MAPK8IP3: variants seen among roughly 807,000 people sequenced by gnomAD.
MAPK8IP3 encodes the protein C-Jun-amino-terminal kinase-interacting protein 3.
Under a neutral mutation model 157.8 loss-of-function variants are expected in MAPK8IP3, and 49 were observed. The observed-to-expected ratio is 0.31, with a 90% CI of 0.25 to 0.39. The LOEUF (loss-of-function observed/expected upper bound fraction) is 0.39. Among genes scored for constraint, MAPK8IP3 ranks in the 10% least tolerant of loss-of-function variants. MAPK8IP3 has a pLI of 1.00. For synonymous variants in MAPK8IP3, 897 were observed against 777.7 expected (o/e 1.15, Z -2.55); for missense variants, 1,478 against 1,889.4 (o/e 0.78, Z 4.04).
intron 1 of MAPK8IP3, among the ~76,000 whole-genome samples, chr16:1,715,725 G>T (rs1278717482): frequency 6.6e-6 from 1 of 150,542 alleles, no homozygotes; most frequent in Non-Finnish European, 1.5e-5. Context: ...TGAGAGGAGA[G>T]GTTTGGATTT....
intron 1 of MAPK8IP3, among the ~76,000 whole-genome samples, chr16:1,717,037 C>T (rs2038197253): frequency 6.6e-6 from 1 of 151,104 alleles, no homozygotes; most frequent in Non-Finnish European, 1.5e-5. Flanking sequence ...CCAGCCTGGG[C>T]AACAGAGCGA....
At position 1,760,212 on chromosome 16, in the gene MAPK8IP3, A is replaced by G. The variant is rs868731536; in HGVS notation, c.1305-168A>G. On this transcript the variant is annotated intron_variant, in intron 11 of 31. Coordinates refer to ENST00000610761, the MANE Select transcript of MAPK8IP3 (RefSeq NM_001318852.2). ...AAGCTTGTCTCCAGGAGCCTCTAAC[A>G]AGGGTGCTATAGGGTTTAGCTAAGA... The G allele has an allele frequency of 2.8e-5, 28 of 993,880 alleles. No homozygotes were observed. In the Middle Eastern group the frequency reaches 1.3e-3, roughly 45 times the overall value. The allele number at this position is 993,880 out of a possible 1,614,324, so 61.6% of individuals were successfully genotyped here. A position where few individuals can be genotyped will look rare whatever the true frequency, so the allele number is the denominator to read the frequency against.
intron 30 of MAPK8IP3, 39 bp from the exon 31 acceptor site, chr16:1,768,438 C>T (rs370405653): frequency 1.3e-6 from 2 of 1,592,348 alleles, no homozygotes; most frequent in Non-Finnish European, 1.7e-6. Flanking sequence ...GCCGCCTCCC[C>T]CAGGAGGCCG....
chr16:1,746,642 C>T, intron 5 of MAPK8IP3: 1 of 218,680 alleles, frequency 4.6e-6, no homozygotes, highest in Non-Finnish European at 9.2e-6. Flanking sequence ...GGTCCCCAGT[C>T]AGAGCCCTCT....
At chr16:1,748,081 G>A (rs2041078995) in intron 6 of MAPK8IP3, among the ~76,000 whole-genome samples, 163 bp from the exon 7 acceptor site, 2 of 152,174 alleles carry the variant, frequency 1.3e-5, no homozygotes, top group African/African-American at 2.4e-5. Flanking sequence ...GCTGGGGTTC[G>A]ACCTCTGCCC....
chr16:1,732,095 T>C (rs1212052424), intron 4 of MAPK8IP3, among the ~76,000 whole-genome samples: 7 of 152,160 alleles, frequency 4.6e-5, no homozygotes, highest in African/African-American at 1.7e-4. Flanking sequence ...TGCCAGGGTA[T>C]TGCAGCTCCA....
intron 1 of MAPK8IP3, among the ~76,000 whole-genome samples, chr16:1,714,392 A>G (rs998056736): frequency 6.6e-6 from 1 of 152,078 alleles, no homozygotes; most frequent in Admixed American, 6.5e-5. Context: ...ACTCTGGTGC[A>G]TTTTCTTTTG....
rs1346689911 is a variant in MAPK8IP3, at chr16:1,766,923, C to T, written c.3040C>T (p.Leu1014=). 4 of 1,598,848 alleles carry T rather than the reference C, an allele frequency of 2.5e-6. No homozygotes were observed. Among genetic ancestry groups the T allele is most frequent in the Non-Finnish European group, 3.4e-6 (4 of 1,170,690 alleles). The change falls in exon 25 of 32, where the codon CTG becomes TTG. Residue 1014 remains leucine, a synonymous_variant. Transcript: ENST00000610761. ...TTTCAGGCATGTCAAAGGCCGTGTG[C>T]TGGTGGCTCTGGCGGACGGGACCCT... ...LSLVHVKGRV[L]VALADGTLAI...
intron 4 of MAPK8IP3, among the ~76,000 whole-genome samples, chr16:1,735,520 G>A (rs376534504): frequency 1.2e-5 from 1 of 86,270 alleles, no homozygotes; most frequent in Non-Finnish European, 2.2e-5. Flanking sequence ...CGTGTGAGCA[G>A]CCGTGTGACC....
At chr16:1,737,184 CCGTCCGTGTGAG>C (rs1402113602) in intron 4 of MAPK8IP3, among the ~76,000 whole-genome samples, 1 of 53,258 alleles carries the variant, frequency 1.9e-5, no homozygotes, top group Non-Finnish European at 3.6e-5. Flanking sequence ...GAGCGTGTGA[CCGTCCGTGTGAG>C]CGTGTGACCA....
chr16:1,758,643 CCAGGCACAGCCCATCCCCA>C (rs1224111605), intron 9 of MAPK8IP3, among the ~76,000 whole-genome samples: 20 of 152,370 alleles, frequency 1.3e-4, no homozygotes, highest in Admixed American at 8.5e-4. Context: ...CCCCCAGCCT[CCAGGCACAGCCCATCCCCA>C]CAGGGGTGCC....
At chr16:1,740,071 C>T (rs533463510) in intron 4 of MAPK8IP3, among the ~76,000 whole-genome samples, 1,408 of 65,662 alleles carry the variant, frequency 0.021, 141 homozygotes, top group African/African-American at 0.087. Context: ...TCCGTGTGAG[C>T]GTGAGCATCC....
intron 26 of MAPK8IP3, 97 bp downstream of exon 26, chr16:1,767,394 G>A: frequency 6.4e-7 from 1 of 1,555,212 alleles, no homozygotes; most frequent in Non-Finnish European, 8.8e-7. Flanking sequence ...GCCCTACGTG[G>A]GTCCCATCTC....
At chr16:1,735,494 C>T (rs372509173) in intron 4 of MAPK8IP3, among the ~76,000 whole-genome samples, 8 of 112,858 alleles carry the variant, frequency 7.1e-5, no homozygotes, top group Admixed American at 5.5e-4. Context: ...TCCATGTGAG[C>T]GTCCGTGTGA....
intron 4 of MAPK8IP3, among the ~76,000 whole-genome samples, chr16:1,736,581 AGC>A (rs1162222756): frequency 2.7e-4 from 16 of 59,288 alleles, no homozygotes; most frequent in Admixed American, 3.1e-4. Flanking sequence ...CGTCCGTGTG[AGC>A]GTGTGACCAT....
Position 1,762,744 on chromosome 16 carries a change from C to T in MAPK8IP3, c.1727+13C>T. The T allele has an allele frequency of 6.3e-7, 1 of 1,583,390 alleles. No homozygotes were observed. Among genetic ancestry groups the T allele is most frequent in the South Asian group, 1.1e-5 (1 of 87,136 alleles). On this transcript the variant is annotated intron_variant, in intron 15 of 31. Transcript: ENST00000610761. The stretch of plus-strand genomic sequence containing the variant: ...CCATCTGGCAGTTGTAAGCTGGGGG[C>T]CCCTGGGGGATGTGGGCAGCAGCTG...
At position 1,768,762 on chromosome 16, in the gene MAPK8IP3, G is replaced by A. The variant is rs2042440300; in HGVS notation, c.3952G>A (p.Val1318Met). The A allele has an allele frequency of 6.2e-6, 10 of 1,612,672 alleles. No homozygotes were observed. Among genetic ancestry groups the A allele is most frequent in the South Asian group, 3.3e-5 (3 of 91,092 alleles). The change falls in exon 32 of 32, where the codon GTG becomes ATG. Residue 1318 changes from valine to methionine, a missense_variant. Physicochemically the swap from Val to Met is conservative, Grantham distance 21. Transcript: ENST00000610761. ...GAGDMSQVKP[V>M]LSKAERSHII... ...AGGGGACATGAGCCAGGTGAAGCCC[G>A]TGCTGTCCAAGGCAGAGCGCAGTCA...
intron 12 of MAPK8IP3, 94 bp downstream of exon 12, chr16:1,760,626 GC>G: frequency 6.9e-7 from 1 of 1,458,242 alleles, no homozygotes; most frequent in Non-Finnish European, 9.2e-7. Context: ...TCCAGCCTGA[GC>G]GGCTCTGTGC....
Position 1,738,889 on chromosome 16 carries a change from A to G in MAPK8IP3, c.603-4443A>G, listed in dbSNP as rs2040348606. 2.6e-5 allele frequency among the ~76,000 whole-genome samples: 3 copies of G among 113,700 alleles called. No individual in the cohort carries two copies. In the Admixed American group the frequency reaches 3.0e-4, roughly 12 times the overall value. The allele number at this position is 113,700 out of a possible 152,430, so 74.6% of individuals were successfully genotyped here. On this transcript the variant is annotated intron_variant, in intron 4 of 31. Coordinates refer to ENST00000610761, the MANE Select transcript of MAPK8IP3 (RefSeq NM_001318852.2). The stretch of plus-strand genomic sequence containing the variant: ...TGTGAGTGTGACCATCCATGTGAGC[A>G]TCTGTGTGACCATCCGTGTAGCATC...
Sources: gnomAD v4.1 joint callset for allele counts (sites outside exome capture counted in the v4.1 genomes callset) on GRCh38, gnomAD v4.1.1 for gene constraint, MANE v1.5 for transcripts, NCBI Gene and HGNC (gene_info 2026-07-23, HGNC 2026-07-21) for gene names.